The following PTPRD variants were observed in gnomAD, a reference collection of about 807,000 sequenced individuals.
The protein encoded by PTPRD is receptor-type tyrosine-protein phosphatase delta.
Under a neutral mutation model 214.5 loss-of-function variants are expected in PTPRD, and 34 were observed. The ratio of observed to expected loss-of-function variants is 0.16; its 90% CI spans 0.12 to 0.21. The LOEUF is 0.21. PTPRD is among the 10% of genes least tolerant of loss of function. The pLI is 1.00. For synonymous variants in PTPRD, 1,128 were observed against 845.7 expected (o/e 1.33, Z -5.79); for missense variants, 2,545 against 2,398.7 (o/e 1.06, Z -1.27).
At chr9:9,575,747 G>A (rs796774192) in intron 7 of PTPRD, among the ~76,000 whole-genome samples, 1,958 of 60,398 alleles carry the variant, frequency 0.032, no homozygotes, top group Middle Eastern at 0.042. Flanking sequence ...AAAAAAAAAA[G>A]AAAGAAAGAA....
intron 15 of PTPRD, among the ~76,000 whole-genome samples, chr9:8,527,636 A>G (rs1056434464): frequency 3.3e-5 from 5 of 152,130 alleles, no homozygotes; most frequent in Non-Finnish European, 5.9e-5. Context: ...TTCTATACCA[A>G]TATTACTACC....
At chr9:10,535,951 G>T (rs1002757443) in intron 2 of PTPRD, among the ~76,000 whole-genome samples, 3 of 152,102 alleles carry the variant, frequency 2.0e-5, no homozygotes, top group African/African-American at 7.2e-5. Context: ...AAAACAGTTG[G>T]TTTTGGGCTT....
At chr9:10,551,857 A>T (rs1421726298) in intron 2 of PTPRD, among the ~76,000 whole-genome samples, 2 of 152,208 alleles carry the variant, frequency 1.3e-5, no homozygotes, top group Non-Finnish European at 2.9e-5. Flanking sequence ...ACTTTACATT[A>T]TTCAGAATCC....
At position 8,521,524 on chromosome 9, in the gene PTPRD, G is replaced by C. The variant is rs1038585660; in HGVS notation, c.714C>G (p.Phe238Leu). Residue 238 changes from phenylalanine to leucine, a missense_variant, in exon 20 of 46, where the codon TTC becomes TTG. Phe to Leu is a conservative substitution (Grantham distance 22). Transcript: ENST00000381196. Reference sequence around the variant, plus strand: ...TTTCATGATTAGTGGGTGGGATAGAGAATCTTGGTGGGACACGGCGAACTG... The same window carrying C: ...TTTCATGATTAGTGGGTGGGATAGACAATCTTGGTGGGACACGGCGAACTG... ...LREVRRVPPR[F>L]SIPPTNHEIM... The C allele has an allele frequency of 6.2e-7, 1 of 1,613,686 alleles. No individual in the cohort carries two copies. The highest frequency in any genetic ancestry group is 8.5e-7 in the Non-Finnish European group (1 of 1,179,834).
At chr9:9,118,598 C>G (rs564934398) in intron 10 of PTPRD, among the ~76,000 whole-genome samples, 1 of 152,118 alleles carries the variant, frequency 6.6e-6, no homozygotes, top group Admixed American at 6.5e-5. Flanking sequence ...CATCTCCTCC[C>G]TTAAAAAATG....
At chr9:9,733,964 A>T (rs2098246610) in intron 7 of PTPRD, among the ~76,000 whole-genome samples, 1 of 152,130 alleles carries the variant, frequency 6.6e-6, no homozygotes. Context: ...AAAACCTCCT[A>T]TCTCAACCAG....
intron 8 of PTPRD, among the ~76,000 whole-genome samples, chr9:9,443,278 C>T (rs2088972889): frequency 6.6e-6 from 1 of 152,072 alleles, no homozygotes; most frequent in African/African-American, 2.4e-5. Context: ...TGGACAGGAT[C>T]CCAAGGGTCA....
At chr9:10,145,975 T>C (rs145020841) in intron 3 of PTPRD, among the ~76,000 whole-genome samples, 4,588 of 152,104 alleles carry the variant, frequency 0.03, 85 homozygotes, top group Middle Eastern at 0.075. Context: ...TAAATTGATA[T>C]GTTCTAAAAC....
chr9:8,679,806 A>T (rs893915142), intron 12 of PTPRD, among the ~76,000 whole-genome samples: 2 of 152,162 alleles, frequency 1.3e-5, no homozygotes, highest in African/African-American at 4.8e-5. Context: ...CATTACAACT[A>T]CTTCTTTGGA....
At chr9:9,842,532 G>A (rs1190311737) in intron 5 of PTPRD, among the ~76,000 whole-genome samples, 1 of 151,364 alleles carries the variant, frequency 6.6e-6, no homozygotes, top group African/African-American at 2.4e-5. Context: ...GAAATATTTG[G>A]GAACAAAAAA....
chr9:9,535,460 A>G (rs2076319272), intron 8 of PTPRD, among the ~76,000 whole-genome samples: 1 of 152,096 alleles, frequency 6.6e-6, no homozygotes, highest in Non-Finnish European at 1.5e-5. Context: ...GTGTGAAAAA[A>G]CAAATGTCCA....
At chr9:9,559,963 G>A (rs953788571) in intron 8 of PTPRD, among the ~76,000 whole-genome samples, 8 of 152,174 alleles carry the variant, frequency 5.3e-5, no homozygotes, top group African/African-American at 1.9e-4. Flanking sequence ...ACTTATCTGG[G>A]TTCAGAGACC....
chr9:10,322,714 G>C (rs958647186), intron 3 of PTPRD, among the ~76,000 whole-genome samples: 1 of 152,004 alleles, frequency 6.6e-6, no homozygotes, highest in East Asian at 1.9e-4. Flanking sequence ...TTGCACATTG[G>C]TACCAATTGG....
At chr9:8,547,285 A>C (rs1431576814) in intron 14 of PTPRD, among the ~76,000 whole-genome samples, 2 of 152,200 alleles carry the variant, frequency 1.3e-5, no homozygotes, top group African/African-American at 4.8e-5. Flanking sequence ...AGCTTACCAG[A>C]AAGGATATAA....
intron 7 of PTPRD, among the ~76,000 whole-genome samples, chr9:9,731,718 C>T (rs1023600408): frequency 5.3e-5 from 8 of 152,182 alleles, no homozygotes; most frequent in African/African-American, 1.9e-4. Flanking sequence ...GACAAAAAAC[C>T]GAACACCGCA....
At chr9:8,989,541 T>C (rs1016220820) in intron 11 of PTPRD, among the ~76,000 whole-genome samples, 2 of 152,078 alleles carry the variant, frequency 1.3e-5, no homozygotes, top group African/African-American at 4.8e-5. Flanking sequence ...AAGATTTAAT[T>C]CCTCCTATGG....
At chr9:10,221,091 A>G (rs2154349027) in intron 3 of PTPRD, among the ~76,000 whole-genome samples, 1 of 152,156 alleles carries the variant, frequency 6.6e-6, no homozygotes, top group East Asian at 1.9e-4. Flanking sequence ...AGCCTATGTT[A>G]TCAGAGAGTC....
intron 2 of PTPRD, among the ~76,000 whole-genome samples, chr9:10,555,407 T>A (rs2062316237): frequency 6.6e-6 from 1 of 152,230 alleles, no homozygotes; most frequent in African/African-American, 2.4e-5. Context: ...AGATATTACC[T>A]ATTACACAAT....
At chr9:9,914,957 C>G (rs1161131050) in intron 5 of PTPRD, among the ~76,000 whole-genome samples, 1 of 152,168 alleles carries the variant, frequency 6.6e-6, no homozygotes, top group Admixed American at 6.5e-5. Flanking sequence ...ATCCCTGTAG[C>G]CCCAAACCCA....
Sources: gnomAD v4.1 joint callset for allele counts (sites outside exome capture counted in the v4.1 genomes callset) on GRCh38, gnomAD v4.1.1 for gene constraint, MANE v1.5 for transcripts, NCBI Gene and HGNC (gene_info 2026-07-23, HGNC 2026-07-21) for gene names.